The following SLCO3A1 variants were observed in gnomAD, a reference collection of about 807,000 sequenced individuals.
SLCO3A1 encodes PGE1 transporter.
In SLCO3A1, 27 loss-of-function variants were observed where a neutral mutation model predicts 63.1. That is an observed-to-expected ratio of 0.43 (90% confidence interval 0.32 to 0.59). The LOEUF (loss-of-function observed/expected upper bound fraction) is 0.59, where lower values mean the gene tolerates loss of function less well. SLCO3A1 is among the 20% of genes least tolerant of loss of function. The pLI is 0.09. For synonymous variants in SLCO3A1, 473 were observed against 409.9 expected, an observed-to-expected ratio of 1.15 and a Z score of -1.86; for missense variants, 773 against 945.8, an observed-to-expected ratio of 0.82 and a Z score of 2.40.
chr15:92,077,190 G>T (rs1035136030), intron 2 of SLCO3A1, among the ~76,000 whole-genome samples: 1 of 152,090 alleles, frequency 6.6e-6, no homozygotes, highest in African/African-American at 2.4e-5. Flanking sequence ...TCCCTCCCAC[G>T]ACCCGTGGGA....
At chr15:91,937,698 G>A (rs1056527686) in intron 2 of SLCO3A1, among the ~76,000 whole-genome samples, 2 of 141,458 alleles carry the variant, frequency 1.4e-5, no homozygotes, top group Non-Finnish European at 3.0e-5. Context: ...CAGCCCGGAC[G>A]ACAGTGCAAG....
intron 2 of SLCO3A1, among the ~76,000 whole-genome samples, chr15:91,927,555 C>T (rs150917991): frequency 5.6e-4 from 86 of 152,258 alleles, no homozygotes; most frequent in Middle Eastern, 3.4e-3. Context: ...TTTTATACCA[C>T]GGCCTCCTAT....
At chr15:91,921,446 T>C (rs1358111802) in intron 2 of SLCO3A1, among the ~76,000 whole-genome samples, 1 of 152,134 alleles carries the variant, frequency 6.6e-6, no homozygotes, top group Non-Finnish European at 1.5e-5. Flanking sequence ...AAGAGATTAG[T>C]ACCAAACCAA....
At chr15:91,918,557 G>T (rs574248825) in intron 2 of SLCO3A1, among the ~76,000 whole-genome samples, 17 of 152,192 alleles carry the variant, frequency 1.1e-4, no homozygotes, top group African/African-American at 3.9e-4. Context: ...CTCAATAGGG[G>T]GCCTTTTATT....
chr15:92,046,931 C>A (rs1215932029), intron 2 of SLCO3A1, among the ~76,000 whole-genome samples: 1 of 134,490 alleles, frequency 7.4e-6, no homozygotes, highest in African/African-American at 2.8e-5. Context: ...GATAATGATG[C>A]TGCTGGTTGC....
intron 7 of SLCO3A1, among the ~76,000 whole-genome samples, chr15:92,141,183 C>T (rs1034917119): frequency 2.6e-5 from 4 of 152,172 alleles, no homozygotes; most frequent in Admixed American, 2.6e-4. Context: ...AGAGAATTCA[C>T]CTCTCGCAGA....
chr15:92,140,563 A>T (rs1281658741), intron 7 of SLCO3A1, among the ~76,000 whole-genome samples: 1 of 152,128 alleles, frequency 6.6e-6, no homozygotes, highest in Non-Finnish European at 1.5e-5. Context: ...GATCAGTCTA[A>T]TGTTGACAGT....
At chr15:91,987,812 AT>A (rs2046073606) in intron 2 of SLCO3A1, among the ~76,000 whole-genome samples, 1 of 151,982 alleles carries the variant, frequency 6.6e-6, no homozygotes, top group African/African-American at 2.4e-5. Context: ...CATTTGATGG[AT>A]TCTCAAAGAG....
At chr15:92,070,758 A>G (rs903854806) in intron 2 of SLCO3A1, among the ~76,000 whole-genome samples, 4 of 151,906 alleles carry the variant, frequency 2.6e-5, no homozygotes, top group Admixed American at 6.6e-5. Flanking sequence ...CTGTGAGTTG[A>G]TGATGGTTGT....
intron 2 of SLCO3A1, among the ~76,000 whole-genome samples, chr15:91,926,418 T>C (rs1484287151): frequency 6.6e-6 from 1 of 152,140 alleles, no homozygotes. Context: ...ATATAACCAA[T>C]CCTGGCTCTT....
At chr15:92,159,349 G>C (rs1404625615) in intron 9 of SLCO3A1, among the ~76,000 whole-genome samples, 1 of 152,038 alleles carries the variant, frequency 6.6e-6, no homozygotes, top group East Asian at 1.9e-4. Context: ...GCCGGGCGTG[G>C]TGGCAGGCAC....
At chr15:92,077,787 T>C (rs1404493309) in intron 2 of SLCO3A1, among the ~76,000 whole-genome samples, 2 of 152,160 alleles carry the variant, frequency 1.3e-5, no homozygotes, top group Non-Finnish European at 2.9e-5. Context: ...GCTGGTTCCT[T>C]TGGAATTAAT....
chr15:92,100,596 C>A (rs929624596), intron 3 of SLCO3A1, among the ~76,000 whole-genome samples: 2 of 152,142 alleles, frequency 1.3e-5, no homozygotes, highest in African/African-American at 4.8e-5. Context: ...CTAACTAGAA[C>A]CAAATAGAGA....
chr15:92,008,531 C>G (rs746487899), intron 2 of SLCO3A1, among the ~76,000 whole-genome samples: 2 of 152,156 alleles, frequency 1.3e-5, no homozygotes, highest in African/African-American at 2.4e-5. Flanking sequence ...TTTTAAATTC[C>G]TTGACTTGTG....
At chr15:91,915,336 A>C (rs181305416) in intron 1 of SLCO3A1, among the ~76,000 whole-genome samples, 4 of 152,244 alleles carry the variant, frequency 2.6e-5, no homozygotes, top group African/African-American at 7.2e-5. Flanking sequence ...AAATCATAAT[A>C]TTCAGTTGGA....
At chr15:91,964,152 A>G (rs1037156650) in intron 2 of SLCO3A1, among the ~76,000 whole-genome samples, 4 of 152,154 alleles carry the variant, frequency 2.6e-5, no homozygotes, top group Non-Finnish European at 5.9e-5. Flanking sequence ...TTTTCAGTTT[A>G]TGAAAGTAGG....
intron 8 of SLCO3A1, among the ~76,000 whole-genome samples, chr15:92,150,526 G>A (rs2048290766): frequency 6.6e-6 from 1 of 152,096 alleles, no homozygotes; most frequent in African/African-American, 2.4e-5. Context: ...GAATGGTAAA[G>A]GTGCTCATGG....
chr15:92,141,543 C>G (rs930029327), intron 7 of SLCO3A1, among the ~76,000 whole-genome samples: 2 of 152,180 alleles, frequency 1.3e-5, no homozygotes, highest in Admixed American at 1.3e-4. Context: ...GCTTTTCAAA[C>G]TTTTTATAGC....
intron 2 of SLCO3A1, among the ~76,000 whole-genome samples, chr15:91,977,383 G>A (rs534696224): frequency 2.6e-5 from 4 of 152,224 alleles, no homozygotes; most frequent in African/African-American, 7.2e-5. Flanking sequence ...CCAAGTTGTC[G>A]GTAACACACT....
Sources: allele counts gnomAD v4.1 joint callset (sites outside exome capture counted in the v4.1 genomes callset), GRCh38; gene constraint gnomAD v4.1.1; transcripts MANE v1.5; gene names NCBI Gene and HGNC (gene_info 2026-07-23, HGNC 2026-07-21).